PPARGC1A: variants seen among roughly 807,000 people sequenced by gnomAD.
PPARGC1A encodes peroxisome proliferator-activated receptor gamma coactivator 1-alpha.
PPARGC1A carries 25 observed loss-of-function variants against 88.7 expected under a neutral mutation model. That is an observed-to-expected ratio of 0.28 (90% CI 0.21 to 0.39). The LOEUF (loss-of-function observed/expected upper bound fraction) is 0.39. PPARGC1A is among the 10% of genes least tolerant of loss of function. The pLI is 1.00. For missense variants in PPARGC1A, 880 were observed against 968.7 expected, an observed-to-expected ratio of 0.91 and a Z score of 1.22; for synonymous variants, 363 against 355.6, an observed-to-expected ratio of 1.02 and a Z score of -0.24.
At chr4:23,976,802 C>G in the PPARGC1A span, among the ~76,000 whole-genome samples, 2 of 152,158 alleles carry the variant, frequency 1.3e-5, no homozygotes, top group Non-Finnish European at 2.9e-5. Context: ...GCACCTTGAG[C>G]TTGGATTTCT....
the PPARGC1A span, among the ~76,000 whole-genome samples, chr4:23,920,272 G>T: frequency 6.6e-6 from 1 of 152,218 alleles, no homozygotes; most frequent in African/African-American, 2.4e-5. Context: ...ACTGTATTCT[G>T]CCATGGCAGG....
the PPARGC1A span, among the ~76,000 whole-genome samples, chr4:24,155,111 A>T: frequency 7.0e-6 from 1 of 143,404 alleles, no homozygotes; most frequent in African/African-American, 2.8e-5. Flanking sequence ...TTCTCTTCGA[A>T]CCTCGGTTTT....
At chr4:24,160,243 T>C in the PPARGC1A span, among the ~76,000 whole-genome samples, 1 of 152,226 alleles carries the variant, frequency 6.6e-6, no homozygotes, top group African/African-American at 2.4e-5. Flanking sequence ...GAACTTTCTA[T>C]GTGCATGTGG....
chr4:23,885,853 A>G (rs1170618187), intron 1 of PPARGC1A, among the ~76,000 whole-genome samples: 3 of 152,200 alleles, frequency 2.0e-5, no homozygotes, highest in African/African-American at 7.2e-5. Flanking sequence ...AGAGGTTTAA[A>G]ATATCTCTAC....
At chr4:24,428,868 C>T in the PPARGC1A span, among the ~76,000 whole-genome samples, 2 of 152,152 alleles carry the variant, frequency 1.3e-5, no homozygotes, top group African/African-American at 4.8e-5. Flanking sequence ...ATTTTAAAAG[C>T]CTCAGGCCAT....
At chr4:24,094,317 T>C in the PPARGC1A span, among the ~76,000 whole-genome samples, 1 of 152,132 alleles carries the variant, frequency 6.6e-6, no homozygotes, top group Admixed American at 6.5e-5. Context: ...TTCTGAAAAT[T>C]AAATTTAAAA....
chr4:24,187,918 T>A, the PPARGC1A span, among the ~76,000 whole-genome samples: 304 of 152,330 alleles, frequency 2.0e-3, 2 homozygotes, highest in African/African-American at 7.1e-3. Context: ...GATATAGGAA[T>A]CTTTTGAAGA....
chr4:23,844,506 A>AAT (rs1560426951), intron 2 of PPARGC1A, among the ~76,000 whole-genome samples: 1 of 16,830 alleles, frequency 5.9e-5, no homozygotes, highest in East Asian at 9.0e-4. Flanking sequence ...TATATAATAT[A>AAT]ATAATATAAT....
At chr4:24,268,865 C>T in the PPARGC1A span, among the ~76,000 whole-genome samples, 1 of 152,136 alleles carries the variant, frequency 6.6e-6, no homozygotes, top group East Asian at 1.9e-4. Flanking sequence ...TTAATCCGTA[C>T]ATATTTATGG....
At chr4:24,451,798 G>A in the PPARGC1A span, among the ~76,000 whole-genome samples, 37 of 152,178 alleles carry the variant, frequency 2.4e-4, no homozygotes, top group African/African-American at 8.2e-4. Context: ...GGATGATCTC[G>A]ATCTCTTGAC....
chr4:24,263,491 G>T, the PPARGC1A span, among the ~76,000 whole-genome samples: 1 of 139,072 alleles, frequency 7.2e-6, no homozygotes, highest in Non-Finnish European at 1.5e-5. Context: ...ACACAGAGTT[G>T]ACCCTTTAAC....
the PPARGC1A span, among the ~76,000 whole-genome samples, chr4:24,469,555 TCTC>T: frequency 1.3e-5 from 2 of 151,998 alleles, no homozygotes; most frequent in South Asian, 4.2e-4. Context: ...CTTCAAATAA[TCTC>T]CTCTCCCCAC....
the PPARGC1A span, among the ~76,000 whole-genome samples, chr4:24,330,763 G>C: frequency 2.6e-5 from 4 of 152,144 alleles, no homozygotes; most frequent in Non-Finnish European, 5.9e-5. Context: ...GCTGGGAAGG[G>C]GTGGAGCTGG....
the PPARGC1A span, among the ~76,000 whole-genome samples, chr4:24,279,674 A>G: frequency 6.6e-6 from 1 of 152,118 alleles, no homozygotes; most frequent in Non-Finnish European, 1.5e-5. Context: ...AGCTCCACTG[A>G]CACACGCGGC....
the PPARGC1A span, among the ~76,000 whole-genome samples, chr4:24,375,565 A>T: frequency 6.6e-6 from 1 of 152,306 alleles, no homozygotes; most frequent in Admixed American, 6.5e-5. Flanking sequence ...ATATTTATTA[A>T]GCAACTACTC....
intron 2 of PPARGC1A, among the ~76,000 whole-genome samples, chr4:23,836,704 C>A (rs1726084478): frequency 6.6e-6 from 1 of 152,186 alleles, no homozygotes; most frequent in Admixed American, 6.5e-5. Context: ...GGTTCTGGCC[C>A]TTCAGGTAGC....
the PPARGC1A span, among the ~76,000 whole-genome samples, chr4:24,228,532 A>G: frequency 6.6e-6 from 1 of 152,082 alleles, no homozygotes; most frequent in African/African-American, 2.4e-5. Context: ...TGAAAAACTA[A>G]CTACTGGGTA....
the PPARGC1A span, among the ~76,000 whole-genome samples, chr4:24,146,452 C>T: frequency 6.6e-6 from 1 of 152,220 alleles, no homozygotes; most frequent in East Asian, 1.9e-4. Flanking sequence ...ATGAGTGTCC[C>T]TGCTCTATCA....
the PPARGC1A span, among the ~76,000 whole-genome samples, chr4:24,339,071 A>T: frequency 6.6e-6 from 1 of 151,710 alleles, no homozygotes; most frequent in African/African-American, 2.4e-5. Context: ...TGTCCTGGTA[A>T]CCTCCATTCT....
Sources: gnomAD v4.1 joint callset for allele counts (sites outside exome capture counted in the v4.1 genomes callset) on GRCh38, gnomAD v4.1.1 for gene constraint, MANE v1.5 for transcripts, NCBI Gene and HGNC (gene_info 2026-07-23, HGNC 2026-07-21) for gene names.